The following SLCO3A1 variants were observed in gnomAD, a reference collection of about 807,000 sequenced individuals.
The protein encoded by SLCO3A1 is PGE1 transporter.
In SLCO3A1, 27 loss-of-function variants were observed where a neutral mutation model predicts 63.1. That is an observed-to-expected ratio of 0.43 (90% confidence interval 0.32 to 0.59). The LOEUF is 0.59. Among genes scored for constraint, SLCO3A1 ranks in the 20% least tolerant of loss-of-function variants. The pLI is 0.09. For missense variants in SLCO3A1, 773 were observed against 945.8 expected (o/e 0.82, Z 2.40); for synonymous variants, 473 against 409.9 (o/e 1.15, Z -1.86).
intron 2 of SLCO3A1, among the ~76,000 whole-genome samples, chr15:92,034,904 T>A (rs942823301): frequency 6.6e-6 from 1 of 152,008 alleles, no homozygotes. Context: ...ATTTCCTGTT[T>A]AATCTGTCAA....
chr15:92,035,775 G>A (rs2046718039), intron 2 of SLCO3A1, among the ~76,000 whole-genome samples: 2 of 151,836 alleles, frequency 1.3e-5, no homozygotes, highest in Non-Finnish European at 1.5e-5. Context: ...GCCCAGAAAA[G>A]GCATTGCTTC....
At chr15:92,156,451 C>T (rs573023189) in intron 9 of SLCO3A1, among the ~76,000 whole-genome samples, 8 of 152,194 alleles carry the variant, frequency 5.3e-5, no homozygotes, top group Non-Finnish European at 1.2e-4. Context: ...CCTCTAAAGT[C>T]AGTCACACCT....
intron 2 of SLCO3A1, among the ~76,000 whole-genome samples, chr15:91,938,086 G>C (rs1395646669): frequency 6.6e-6 from 1 of 152,146 alleles, no homozygotes; most frequent in South Asian, 2.1e-4. Context: ...TCTGCATATT[G>C]CTCTTATTAT....
chr15:92,057,302 G>A (rs940526193), intron 2 of SLCO3A1, among the ~76,000 whole-genome samples: 23 of 152,222 alleles, frequency 1.5e-4, no homozygotes, highest in Non-Finnish European at 4.4e-5. Context: ...TCATTTCACT[G>A]AGCAAAGGGA....
In SLCO3A1 at chr15:91,941,979, TA is replaced by T. The variant is rs1303982199; in HGVS notation, c.646+25522del. 6.6e-6 allele frequency among the ~76,000 whole-genome samples: 1 copy of T among 152,212 alleles called. No homozygotes were observed. Among genetic ancestry groups the T allele is most frequent in the African/African-American group, 2.4e-5 (1 of 41,446 alleles). On this transcript the variant is annotated intron_variant, in intron 2 of 9. Coordinates refer to ENST00000318445, the MANE Select transcript of SLCO3A1 (RefSeq NM_013272.4). This position sits in a 1 kb window ranked among gnomAD's most constrained non-coding sequence, Gnocchi z 4.4. ...GACTGCCTGCCTTTGAGCTAGGTCT[TA>T]CCCATCCACGACAAAAATGAGAGAA...
At chr15:92,160,077 C>G (rs1023750973) in intron 9 of SLCO3A1, among the ~76,000 whole-genome samples, 1 of 152,036 alleles carries the variant, frequency 6.6e-6, no homozygotes, top group African/African-American at 2.4e-5. Context: ...CTTGGCTCCC[C>G]GTCACCAGGT....
rs973965447 is a variant in SLCO3A1, at chr15:92,163,562, A to T, written c.*427A>T. The T allele has an allele frequency of 5.0e-5, 49 of 984,520 alleles. No individual in the cohort carries two copies. Among genetic ancestry groups the T allele is most frequent in the African/African-American group, 3.1e-4 (18 of 57,174 alleles). The allele number at this position is 984,520 out of a possible 1,614,324, so 61.0% of individuals were successfully genotyped here. On this transcript the variant is annotated 3_prime_UTR_variant, in exon 10 of 10. Transcript: ENST00000318445. ...TTCCTAAAATAAAAAAAATTAAAAAAAAAAAACCCACAAGTTGAAAACATT... is the reference window on the plus strand; with the variant it reads ...TTCCTAAAATAAAAAAAATTAAAAATAAAAAACCCACAAGTTGAAAACATT...
intron 5 of SLCO3A1, among the ~76,000 whole-genome samples, chr15:92,125,530 C>A (rs545906252): frequency 6.6e-6 from 1 of 151,906 alleles, no homozygotes; most frequent in South Asian, 2.1e-4. Flanking sequence ...CTGGTTCAAA[C>A]ACTCTCTCTA....
intron 8 of SLCO3A1, among the ~76,000 whole-genome samples, chr15:92,148,206 T>C (rs1318353740): frequency 2.0e-5 from 3 of 152,242 alleles, no homozygotes; most frequent in Non-Finnish European, 4.4e-5. Flanking sequence ...AGCAAGACTC[T>C]GTCTCAGAGG....
At chr15:92,040,267 A>G (rs1464635171) in intron 2 of SLCO3A1, among the ~76,000 whole-genome samples, 2 of 152,144 alleles carry the variant, frequency 1.3e-5, no homozygotes, top group African/African-American at 4.8e-5. Context: ...ATTAATACTA[A>G]TTTTGCATCT....
intron 1 of SLCO3A1, among the ~76,000 whole-genome samples, chr15:91,880,213 T>C (rs1897535189): frequency 7.1e-6 from 1 of 140,544 alleles, no homozygotes. Context: ...GAGATGATGG[T>C]AGATTCACAT....
Position 92,016,254 on chromosome 15 carries a change from T to TAGATTAGATAGATAGATAGATAGATAGA in SLCO3A1, c.647-78627_647-78626insAGATTAGATAGATAGATAGATAGATAGA. Among the ~76,000 whole-genome samples, 23 of 95,692 alleles carry TAGATTAGATAGATAGATAGATAGATAGA rather than the reference T, an allele frequency of 2.4e-4. No individual in the cohort carries two copies. The East Asian group carries it at 2.8e-3, about 12-fold the overall frequency. The allele number at this position is 95,692 out of a possible 152,430, so 62.8% of individuals were successfully genotyped here. ...ATAGATAGATAGATAGATAGATAGATTAGATAGATAGATAGATAGATAGAT... is the reference window on the plus strand; with the variant it reads ...ATAGATAGATAGATAGATAGATAGATAGATTAGATAGATAGATAGATAGATAGATAGATAGATAGATAGATAGATAGAT... On this transcript the variant is annotated intron_variant, in intron 2 of 9. Coordinates refer to ENST00000318445, the MANE Select transcript of SLCO3A1 (RefSeq NM_013272.4).
At chr15:92,153,351 A>C (rs902732394) in intron 9 of SLCO3A1, 2 of 152,114 alleles carry the variant, frequency 1.3e-5, no homozygotes, top group African/African-American at 4.8e-5. Context: ...GTTGTGACCC[A>C]CCCTATTGAT....
intron 2 of SLCO3A1, among the ~76,000 whole-genome samples, chr15:91,956,821 G>A (rs1478319969): frequency 1.5e-4 from 19 of 127,828 alleles, no homozygotes; most frequent in African/African-American, 4.9e-4. Context: ...ATGGATTCTC[G>A]CTCTGTCACC....
At chr15:92,139,400 G>A (rs1370691314) in intron 7 of SLCO3A1, among the ~76,000 whole-genome samples, 1 of 151,928 alleles carries the variant, frequency 6.6e-6, no homozygotes, top group African/African-American at 2.4e-5. Flanking sequence ...GAGGATTTTG[G>A]CATCAATGTT....
intron 3 of SLCO3A1, chr15:92,097,970 G>A (rs543566236): frequency 6.6e-6 from 1 of 152,292 alleles, no homozygotes; most frequent in South Asian, 2.1e-4. Context: ...CTTCTGTAGG[G>A]CTGTCCAATG....
In SLCO3A1 at chr15:91,948,681, T is replaced by C. The variant is rs375830001; in HGVS notation, c.646+32223T>C. Reference sequence around the variant, plus strand: ...ACATGAGGGCTGGGTTTTCCTGCCCTGAGAAGAGAGGGCCGTCCAAGGAAT... The same window carrying C: ...ACATGAGGGCTGGGTTTTCCTGCCCCGAGAAGAGAGGGCCGTCCAAGGAAT... On this transcript the variant is annotated intron_variant, in intron 2 of 9. Coordinates refer to ENST00000318445, the MANE Select transcript of SLCO3A1 (RefSeq NM_013272.4). The surrounding 1 kb of genome is among the most constrained non-coding windows in gnomAD (Gnocchi z 4.8). Among the ~76,000 whole-genome samples, 1 of 152,128 alleles carries C rather than the reference T, an allele frequency of 6.6e-6. No homozygotes were observed. Among genetic ancestry groups the C allele is most frequent in the South Asian group, 2.1e-4 (1 of 4,822 alleles).
intron 2 of SLCO3A1, among the ~76,000 whole-genome samples, chr15:91,923,929 G>T (rs918149528): frequency 6.6e-6 from 1 of 152,210 alleles, no homozygotes; most frequent in African/African-American, 2.4e-5. Flanking sequence ...GGGCATTTAG[G>T]TGATGAATGT....
At chr15:92,141,913 T>C (rs955568276) in intron 7 of SLCO3A1, among the ~76,000 whole-genome samples, 2 of 152,182 alleles carry the variant, frequency 1.3e-5, no homozygotes, top group African/African-American at 4.8e-5. Flanking sequence ...GATCCCCTGC[T>C]GGAGAGGTTG....
Sources: gnomAD v4.1 joint callset for allele counts (sites outside exome capture counted in the v4.1 genomes callset) on GRCh38, gnomAD v4.1.1 for gene constraint, Gnocchi (gnomAD v3.1) non-coding constraint, MANE v1.5 for transcripts, NCBI Gene and HGNC (gene_info 2026-07-23, HGNC 2026-07-21) for gene names.